SUPT3H: variants seen among roughly 807,000 people sequenced by gnomAD.
SUPT3H encodes the protein SPT3 homolog, SAGA and STAGA complex component.
Under a neutral mutation model 44.3 loss-of-function variants are expected in SUPT3H, and 44 were observed. The observed-to-expected ratio is 0.99, with a 90% CI of 0.78 to 1.28. The LOEUF is 1.28. Ranked by LOEUF, SUPT3H falls within the 50% of genes most tolerant of loss-of-function variation. The pLI is 0.00. For synonymous variants in SUPT3H, 124 were observed against 125.6 expected, an observed-to-expected ratio of 0.99 and a Z score of 0.09; for missense variants, 380 against 387.1, an observed-to-expected ratio of 0.98 and a Z score of 0.15.
intron 3 of SUPT3H, among the ~76,000 whole-genome samples, chr6:45,033,507 C>G (rs1471615770): frequency 6.6e-6 from 1 of 152,084 alleles, no homozygotes; most frequent in Non-Finnish European, 1.5e-5. Flanking sequence ...TGGTCCTTCA[C>G]CTCACAGGGC....
intron 6 of SUPT3H, among the ~76,000 whole-genome samples, chr6:44,968,398 C>T (rs1159666554): frequency 1.3e-5 from 2 of 152,054 alleles, no homozygotes; most frequent in East Asian, 1.9e-4. Flanking sequence ...GCCGAAGAAA[C>T]CATATCTCTA....
At chr6:44,838,431 G>A (rs1248041456) in intron 10 of SUPT3H, among the ~76,000 whole-genome samples, 1 of 151,960 alleles carries the variant, frequency 6.6e-6, no homozygotes, top group Non-Finnish European at 1.5e-5. Flanking sequence ...TAAGAGGGCA[G>A]TAGAGGGAGA....
intron 10 of SUPT3H, among the ~76,000 whole-genome samples, chr6:44,895,131 C>T (rs903589179): frequency 8.6e-5 from 13 of 151,870 alleles, no homozygotes; most frequent in African/African-American, 3.1e-4. Flanking sequence ...ATGAATTGAA[C>T]CATAAGAAAG....
intron 2 of SUPT3H, among the ~76,000 whole-genome samples, chr6:45,210,319 ACTT>A (rs1469319822): frequency 6.6e-6 from 1 of 152,218 alleles, no homozygotes; most frequent in African/African-American, 2.4e-5. Flanking sequence ...TCAAAGTCAT[ACTT>A]CTGTTCACCT....
chr6:45,139,080 C>T (rs971080174), intron 2 of SUPT3H, among the ~76,000 whole-genome samples: 18 of 152,156 alleles, frequency 1.2e-4, no homozygotes, highest in Non-Finnish European at 2.4e-4. Flanking sequence ...GTCTACCCCC[C>T]TTTTAAGTCA....
chr6:44,912,354 T>G (rs1385321719), intron 10 of SUPT3H, among the ~76,000 whole-genome samples: 1 of 152,204 alleles, frequency 6.6e-6, no homozygotes, highest in African/African-American at 2.4e-5. Context: ...GTGTCTGGCT[T>G]ATTTCACTTA....
intron 2 of SUPT3H, among the ~76,000 whole-genome samples, chr6:45,258,716 C>A (rs565322759): frequency 6.6e-5 from 10 of 152,226 alleles, no homozygotes; most frequent in Admixed American, 3.9e-4. Flanking sequence ...GAAAACTAAG[C>A]CTTCACTATA....
intron 2 of SUPT3H, among the ~76,000 whole-genome samples, chr6:45,359,179 T>C (rs930350296): frequency 6.6e-6 from 1 of 152,186 alleles, no homozygotes; most frequent in African/African-American, 2.4e-5. Flanking sequence ...AATTATTTTA[T>C]GTAGCCACAT....
At chr6:45,055,152 G>A (rs1400381015) in intron 3 of SUPT3H, among the ~76,000 whole-genome samples, 1 of 152,018 alleles carries the variant, frequency 6.6e-6, no homozygotes, top group African/African-American at 2.4e-5. Context: ...ATCCCTAGAG[G>A]TGACAGAGAT....
At chr6:45,158,271 T>A (rs1437434863) in intron 2 of SUPT3H, among the ~76,000 whole-genome samples, 1 of 70,248 alleles carries the variant, frequency 1.4e-5, no homozygotes, top group African/African-American at 6.2e-5. Flanking sequence ...TATATATAAA[T>A]ATACATATAT....
chr6:45,216,237 G>T (rs1041398030), intron 2 of SUPT3H, among the ~76,000 whole-genome samples: 4 of 151,924 alleles, frequency 2.6e-5, no homozygotes, highest in African/African-American at 9.7e-5. Context: ...CTACCATCTG[G>T]AAGTAAAAGG....
In SUPT3H at chr6:45,029,440, C is replaced by T. The variant is rs151084624; in HGVS notation, c.187-8808G>A. On this transcript the variant is annotated intron_variant, in intron 3 of 10. Coordinates refer to ENST00000371459, the MANE Select transcript of SUPT3H (RefSeq NM_003599.4). Reference sequence around the variant, plus strand: ...ATTACTCAGTTACAATCAATGTGACCTCTAAAGCTTAAAAAATATCCAATA... The same window carrying T: ...ATTACTCAGTTACAATCAATGTGACTTCTAAAGCTTAAAAAATATCCAATA... 4.2e-4 allele frequency among the ~76,000 whole-genome samples: 63 copies of T among 151,022 alleles called. 3 individuals are homozygous for T. The East Asian group carries it at 0.012, about 29-fold the overall frequency.
chr6:45,019,647 A>C (rs1266190608), intron 4 of SUPT3H, among the ~76,000 whole-genome samples: 1 of 151,988 alleles, frequency 6.6e-6, no homozygotes, highest in Non-Finnish European at 1.5e-5. Context: ...ACAGTTCTTT[A>C]GATGCACATT....
chr6:44,813,523 T>C (rs1367656297), intron 11 of SUPT3H, among the ~76,000 whole-genome samples: 2 of 150,178 alleles, frequency 1.3e-5, no homozygotes, highest in African/African-American at 4.9e-5. Flanking sequence ...ATATGATGTC[T>C]GGCATTCAGT....
At position 45,330,843 on chromosome 6, in the gene SUPT3H, C is replaced by T. The variant is rs1584947339; in HGVS notation, c.101+34358G>A. ...TAGAGAACTTAACATCAACCCACTA[C>T]CTCAGACTAATTACAGGTGAGTAGT... On this transcript the variant is annotated intron_variant, in intron 2 of 10. Transcript: ENST00000371459. Among the ~76,000 whole-genome samples, 3 of 151,864 alleles carry T rather than the reference C, an allele frequency of 2.0e-5. No individual in the cohort carries two copies. The South Asian group carries it at 6.2e-4, about 31-fold the overall frequency.
At chr6:45,107,679 GA>G (rs1225040544) in intron 2 of SUPT3H, among the ~76,000 whole-genome samples, 3 of 151,998 alleles carry the variant, frequency 2.0e-5, no homozygotes, top group African/African-American at 7.2e-5. Flanking sequence ...ATTTGTTGAA[GA>G]ACATATTTCG....
chr6:45,063,745 G>A (rs1267578916), intron 3 of SUPT3H, among the ~76,000 whole-genome samples: 3 of 132,708 alleles, frequency 2.3e-5, no homozygotes, highest in Non-Finnish European at 4.7e-5. Flanking sequence ...GAAGCGAGAA[G>A]GGAAGGTTAG....
At chr6:45,109,880 T>C (rs1204883492) in intron 2 of SUPT3H, among the ~76,000 whole-genome samples, 1 of 152,218 alleles carries the variant, frequency 6.6e-6, no homozygotes, top group African/African-American at 2.4e-5. Flanking sequence ...TCTGATGTCT[T>C]GACTGACTTA....
intron 3 of SUPT3H, among the ~76,000 whole-genome samples, chr6:45,070,675 C>T (rs895854769): frequency 7.3e-6 from 1 of 136,190 alleles, no homozygotes; most frequent in African/African-American, 2.8e-5. Context: ...GTGGAGGTTG[C>T]AGTGAGCTGA....
Sources: gnomAD v4.1 joint callset for allele counts (sites outside exome capture counted in the v4.1 genomes callset) on GRCh38, gnomAD v4.1.1 for gene constraint, MANE v1.5 for transcripts, NCBI Gene and HGNC (gene_info 2026-07-23, HGNC 2026-07-21) for gene names.